Variants in CNIH1 observed in about 807,000 individuals in gnomAD.
CNIH1 encodes the protein cornichon family member 1.
Under a neutral mutation model 20.2 loss-of-function variants are expected in CNIH1, and 12 were observed. The observed-to-expected ratio is 0.59, with a 90% CI of 0.38 to 0.96. The LOEUF (loss-of-function observed/expected upper bound fraction) is 0.96, where lower values mean the gene tolerates loss of function less well. Ranked by LOEUF, CNIH1 falls within the 40% of genes least tolerant of loss-of-function variation. CNIH1 has a pLI of 0.00. For synonymous variants in CNIH1, 69 were observed against 63.3 expected, an observed-to-expected ratio of 1.09 and a Z score of -0.43; for missense variants, 152 against 178.8, an observed-to-expected ratio of 0.85 and a Z score of 0.85.
In CNIH1 at chr14:54,429,615, C is replaced by T. The variant is rs549690239; in HGVS notation, c.407+646G>A. On this transcript the variant is annotated intron_variant, in intron 4 of 4. Transcript: ENST00000216416. ...CTCTACTAAAAATACAAAAATTAGCCGGGCGTGGTGGTGCACGCCTGTAAT... is the reference window on the plus strand; with the variant it reads ...CTCTACTAAAAATACAAAAATTAGCTGGGCGTGGTGGTGCACGCCTGTAAT... 1.7e-3 allele frequency among the ~76,000 whole-genome samples: 262 copies of T among 152,168 alleles called. 1 individual carries two copies. Among genetic ancestry groups the T allele is most frequent in the African/African-American group, 6.1e-3 (254 of 41,512 alleles).
chr14:54,426,012 A>C lies in CNIH1; in HGVS notation c.*1802T>G, dbSNP rs2030820715. ...TCTTGCATGATCAAAAGTCCTTGTG[A>C]ACAAGAAAGAAAACTAAGTGCATGC... On this transcript the variant is annotated 3_prime_UTR_variant, in exon 5 of 5. Transcript: ENST00000216416. The C allele has an allele frequency of 6.6e-6, 1 of 152,178 alleles. No homozygotes were observed. The highest frequency in any genetic ancestry group is 2.4e-5 in the African/African-American group (1 of 41,438). The allele number at this position is 152,178 out of a possible 1,614,324, so 9.4% of individuals were successfully genotyped here.
At chr14:54,432,447 A>G (rs1043773223) in intron 2 of CNIH1, among the ~76,000 whole-genome samples, 1 of 152,262 alleles carries the variant, frequency 6.6e-6, no homozygotes, top group Non-Finnish European at 1.5e-5. Flanking sequence ...AGTAAGATAC[A>G]TGACTTAAAA....
rs566747562 is a variant in CNIH1 at position 54,426,861 on chromosome 14, A to G, written c.*953T>C. ...GTCACTTTTTAAAAATGACAGCAACATGTCTTTATCATGGATTAAGCAAGT... is the reference window on the plus strand; with the variant it reads ...GTCACTTTTTAAAAATGACAGCAACGTGTCTTTATCATGGATTAAGCAAGT... On this transcript the variant is annotated 3_prime_UTR_variant, in exon 5 of 5. Transcript: ENST00000216416. 7.9e-5 allele frequency: 12 copies of G among 152,328 alleles called. No individual in the cohort carries two copies. Among genetic ancestry groups the G allele is most frequent in the African/African-American group, 2.9e-4 (12 of 41,592 alleles). The allele number at this position is 152,328 out of a possible 1,614,324, so 9.4% of individuals were successfully genotyped here.
At chr14:54,433,569 G>C (rs1344826091) in intron 2 of CNIH1, among the ~76,000 whole-genome samples, 2 of 152,274 alleles carry the variant, frequency 1.3e-5, no homozygotes, top group East Asian at 3.9e-4. Context: ...AGGGCCATAG[G>C]ACTCTGAAAC....
Position 54,424,902 on chromosome 14 carries a change from C to T in CNIH1, c.*2912G>A, listed in dbSNP as rs1404172518. The T allele has an allele frequency of 3.3e-5, 5 of 152,198 alleles. No homozygotes were observed. Among genetic ancestry groups the T allele is most frequent in the African/African-American group, 1.2e-4 (5 of 41,454 alleles). 9.4% of individuals were successfully genotyped at this position (152,198 alleles called of 1,614,324 possible). On this transcript the variant is annotated 3_prime_UTR_variant, in exon 5 of 5. Coordinates refer to ENST00000216416, the MANE Select transcript of CNIH1 (RefSeq NM_005776.3). ...AACTATTACTTATACTCGATCCATA[C>T]TCAAGTCAAAAGTGGATGGTCTTGG...
At chr14:54,437,450 ATT>A (rs755780261) in intron 1 of CNIH1, among the ~76,000 whole-genome samples, 2 of 152,088 alleles carry the variant, frequency 1.3e-5, no homozygotes, top group Non-Finnish European at 2.9e-5. Context: ...GGTTTTTTTA[ATT>A]TCTAGAGTTC....
At position 54,435,616 on chromosome 14, in the gene CNIH1, CA is replaced by C. The variant is rs998791813; in HGVS notation, c.150+752del. On this transcript the variant is annotated intron_variant, in intron 2 of 4. Coordinates refer to ENST00000216416, the MANE Select transcript of CNIH1 (RefSeq NM_005776.3). ...CATTGCTGCGAGATCCCAGAGCCCC[CA>C]GAACAGAGCTATCCACCTAACAGGC... Among the ~76,000 whole-genome samples, 7 of 152,242 alleles carry C rather than the reference CA, an allele frequency of 4.6e-5. 1 individual carries two copies. Among genetic ancestry groups the C allele is most frequent in the Admixed American group, 6.5e-5 (1 of 15,290 alleles).
chr14:54,440,168 T>C lies in CNIH1; in HGVS notation c.81+1079A>G, dbSNP rs373456400. ...AGACGCTGCTGCTGTTTAATCATTC[T>C]GCCCCTCCGTATGTTTCATAGAAAT... On this transcript the variant is annotated intron_variant, in intron 1 of 4. Transcript: ENST00000216416. Among the ~76,000 whole-genome samples the C allele has an allele frequency of 2.6e-5, 4 of 152,370 alleles. No homozygotes were observed. The East Asian group carries it at 5.8e-4, about 22-fold the overall frequency.
Position 54,427,852 on chromosome 14 carries a change from G to A in CNIH1, c.408-11C>T. 1.2e-6 allele frequency: 2 copies of A among 1,612,012 alleles called. No individual in the cohort carries two copies. The highest frequency in any genetic ancestry group is 1.7e-6 in the Non-Finnish European group (2 of 1,179,082). ...AAAACATAGATCATGCTGAAAAGAA[G>A]AAAAAAGATGTTAATTTGAACATTA... is the stretch of plus-strand genomic sequence containing the variant. On this transcript the variant is annotated splice_polypyrimidine_tract_variant and intron_variant, in intron 4 of 4. Coordinates refer to ENST00000216416, the MANE Select transcript of CNIH1 (RefSeq NM_005776.3).
chr14:54,433,685 A>C (rs926225222), intron 2 of CNIH1, among the ~76,000 whole-genome samples: 2 of 152,176 alleles, frequency 1.3e-5, no homozygotes, highest in Non-Finnish European at 2.9e-5. Flanking sequence ...TTGTCTTTAA[A>C]ATATAAGCCT....
chr14:54,436,287 A>G (rs561558253), intron 2 of CNIH1, 82 bp downstream of exon 2: 2 of 818,508 alleles, frequency 2.4e-6, no homozygotes, highest in South Asian at 2.9e-5. Context: ...GCTACTCAGA[A>G]TACTGGCCAT....
At chr14:54,435,773 C>A (rs1204930002) in intron 2 of CNIH1, among the ~76,000 whole-genome samples, 2 of 152,140 alleles carry the variant, frequency 1.3e-5, no homozygotes, top group African/African-American at 4.8e-5. Context: ...AAGTCACAAC[C>A]CGAGAATCAT....
intron 1 of CNIH1, among the ~76,000 whole-genome samples, chr14:54,440,559 C>CTA (rs1407282327): frequency 6.6e-6 from 1 of 152,152 alleles, no homozygotes; most frequent in Non-Finnish European, 1.5e-5. Flanking sequence ...ACTCCCTCTA[C>CTA]TAAATCAAGC....
At chr14:54,431,017 G>T (rs146424817) in intron 3 of CNIH1, among the ~76,000 whole-genome samples, 1 of 151,804 alleles carries the variant, frequency 6.6e-6, no homozygotes, top group South Asian at 2.1e-4. Context: ...GTAGAGGGGG[G>T]TTTTGCCACG....
chr14:54,434,361 C>T (rs1378020668), intron 2 of CNIH1, among the ~76,000 whole-genome samples: 8 of 152,152 alleles, frequency 5.3e-5, no homozygotes, highest in South Asian at 4.1e-4. Flanking sequence ...AGCCAGGAAT[C>T]GCACATTACC....
chr14:54,430,488 G>A lies in CNIH1; in HGVS notation c.264-84C>T, dbSNP rs1021848622. On this transcript the variant is annotated intron_variant, in intron 3 of 4. Coordinates refer to ENST00000216416, the MANE Select transcript of CNIH1 (RefSeq NM_005776.3). ...AGCAGGTCTTTCTTCTAAAACATCT[G>A]TTACGAGAGGTGGTCCATAAAGGGA... The A allele has an allele frequency of 2.2e-5, 29 of 1,291,202 alleles. No individual in the cohort carries two copies. In the Admixed American group the frequency reaches 6.3e-4, roughly 28 times the overall value. 80.0% of individuals were successfully genotyped at this position (1,291,202 alleles called of 1,614,324 possible).
intron 2 of CNIH1, chr14:54,435,947 T>G: frequency 1.7e-6 from 1 of 592,346 alleles, no homozygotes; most frequent in Non-Finnish European, 3.0e-6. Flanking sequence ...AAATATGAAA[T>G]TTCATGAAAT....
chr14:54,436,129 T>C (rs1348500451), intron 2 of CNIH1: 1 of 703,146 alleles, frequency 1.4e-6, no homozygotes, highest in Non-Finnish European at 2.6e-6. Context: ...TCAACTGTCT[T>C]TGGCCGACAA....
chr14:54,426,746 A>C lies in CNIH1; in HGVS notation c.*1068T>G, dbSNP rs1428416436. ...CATCCACGTTTATGAATCTTGTCAA[A>C]TGACAAAAGAGGTTAATGTGCTCGG... is the stretch of plus-strand genomic sequence containing the variant. On this transcript the variant is annotated 3_prime_UTR_variant, in exon 5 of 5. Coordinates refer to ENST00000216416, the MANE Select transcript of CNIH1 (RefSeq NM_005776.3). 6.6e-6 allele frequency: 1 copy of C among 152,236 alleles called. No homozygotes were observed. Among genetic ancestry groups the C allele is most frequent in the East Asian group, 1.9e-4 (1 of 5,204 alleles). The allele number at this position is 152,236 out of a possible 1,614,324, so 9.4% of individuals were successfully genotyped here. A position where few individuals can be genotyped will look rare whatever the true frequency, so the allele number is the denominator to read the frequency against.
Sources: allele counts gnomAD v4.1 joint callset (sites outside exome capture counted in the v4.1 genomes callset), GRCh38; gene constraint gnomAD v4.1.1; transcripts MANE v1.5; gene names NCBI Gene and HGNC (gene_info 2026-07-23, HGNC 2026-07-21).